Variants in POLA1 observed in about 807,000 individuals in gnomAD.
POLA1 encodes the protein DNA polymerase alpha catalytic subunit.
Under a neutral mutation model 124.0 loss-of-function variants are expected in POLA1, and 15 were observed. The observed-to-expected ratio is 0.12, with a 90% CI of 0.08 to 0.19. The LOEUF (loss-of-function observed/expected upper bound fraction) is 0.19. POLA1 is among the 10% of genes least tolerant of loss of function. The probability of loss-of-function intolerance (pLI) is 1.00; values close to 1 mark genes in which losing one functional copy is unlikely to be tolerated. For missense variants in POLA1, 886 were observed against 1,103.4 expected, an observed-to-expected ratio of 0.80 and a Z score of 2.79; for synonymous variants, 408 against 389.4, an observed-to-expected ratio of 1.05 and a Z score of -0.56.
intron 4 of POLA1, among the ~76,000 whole-genome samples, chrX:24,706,154 TG>T (rs1323921385): frequency 8.9e-6 from 1 of 112,500 alleles, no homozygotes; most frequent in Non-Finnish European, 1.9e-5. Flanking sequence ...TTCAGACTCA[TG>T]TATTTCTAAA....
intron 32 of POLA1, among the ~76,000 whole-genome samples, chrX:24,836,291 A>C (rs1356744724): frequency 8.9e-6 from 1 of 111,983 alleles, no homozygotes; most frequent in Non-Finnish European, 1.9e-5. Context: ...AGTTGTTTCC[A>C]CATTTGAGGT....
chrX:24,810,315 T>C (rs1227779595), intron 27 of POLA1, among the ~76,000 whole-genome samples: 1 of 111,835 alleles, frequency 8.9e-6, no homozygotes, highest in East Asian at 2.8e-4. Flanking sequence ...ATTTATAGAA[T>C]CCATTATGTT....
intron 35 of POLA1, among the ~76,000 whole-genome samples, chrX:24,894,637 A>G (rs1159890022): frequency 8.9e-6 from 1 of 111,888 alleles, no homozygotes; most frequent in Non-Finnish European, 1.9e-5. Flanking sequence ...CTGTTGTCAC[A>G]TGGCAGTCTT....
chrX:24,982,901 C>T (rs1011008677), intron 36 of POLA1, among the ~76,000 whole-genome samples: 3 of 111,392 alleles, frequency 2.7e-5, no homozygotes, highest in Non-Finnish European at 3.8e-5. Flanking sequence ...GTGGCACTAG[C>T]GCCATCCTTT....
intron 30 of POLA1, among the ~76,000 whole-genome samples, chrX:24,820,019 G>C (rs1279343299): frequency 8.9e-6 from 1 of 112,138 alleles, no homozygotes; most frequent in African/African-American, 3.2e-5. Flanking sequence ...GTATTCCATG[G>C]TGTATATGTG....
chrX:24,974,387 G>A (rs1047851283), intron 36 of POLA1, among the ~76,000 whole-genome samples: 24 of 111,346 alleles, frequency 2.2e-4, no homozygotes, highest in South Asian at 3.8e-4. Context: ...AGATAGCAAA[G>A]ACTTGGAATC....
At chrX:24,747,835 C>T (rs1220564178) in intron 24 of POLA1, among the ~76,000 whole-genome samples, 3 of 107,546 alleles carry the variant, frequency 2.8e-5, no homozygotes, top group East Asian at 3.0e-4. Context: ...CCCGGGTTCA[C>T]GCCATTCTCC....
intron 1 of POLA1, among the ~76,000 whole-genome samples, chrX:24,697,456 A>G (rs1313362231): frequency 1.8e-5 from 2 of 112,257 alleles, no homozygotes; most frequent in South Asian, 7.5e-4. Context: ...GTCATCATTA[A>G]GTACCTTTAT....
intron 36 of POLA1, among the ~76,000 whole-genome samples, chrX:24,971,580 T>G (rs2048303229): frequency 8.9e-6 from 1 of 112,067 alleles, no homozygotes; most frequent in Non-Finnish European, 1.9e-5. Context: ...CCCTGGCACT[T>G]CTACCTGGCT....
chrX:24,949,590 G>T (rs1601899826), intron 36 of POLA1, among the ~76,000 whole-genome samples: 1 of 101,079 alleles, frequency 9.9e-6, no homozygotes. Context: ...CATGAAACTT[G>T]GGGGTTTAAA....
chrX:24,785,742 G>A (rs2045349121), intron 26 of POLA1, among the ~76,000 whole-genome samples: 1 of 111,805 alleles, frequency 8.9e-6, no homozygotes, highest in African/African-American at 3.2e-5. Context: ...TATACATTGT[G>A]CAATGATTAC....
intron 35 of POLA1, among the ~76,000 whole-genome samples, chrX:24,888,496 T>C (rs923210270): frequency 4.5e-5 from 5 of 110,969 alleles, no homozygotes; most frequent in African/African-American, 1.6e-4. Context: ...CCCTGAATGG[T>C]TTATTTTGTG....
chrX:24,909,034 T>C (rs904050957), intron 35 of POLA1, among the ~76,000 whole-genome samples: 3 of 112,381 alleles, frequency 2.7e-5, no homozygotes, highest in African/African-American at 3.2e-5. Flanking sequence ...AAATGTCTTA[T>C]TTTGAGAATT....
intron 34 of POLA1, among the ~76,000 whole-genome samples, chrX:24,868,900 T>C (rs977336528): frequency 2.7e-5 from 3 of 111,924 alleles, no homozygotes; most frequent in Non-Finnish European, 5.6e-5. Flanking sequence ...CCCTGTATAT[T>C]GCTGGGAGAG....
chrX:24,728,918 G>A (rs1240188678), intron 15 of POLA1, among the ~76,000 whole-genome samples: 1 of 111,850 alleles, frequency 8.9e-6, no homozygotes, highest in East Asian at 2.8e-4. Context: ...TCATATTTCC[G>A]CATACTATAA....
At chrX:24,946,291 G>A (rs1398623260) in intron 36 of POLA1, among the ~76,000 whole-genome samples, 2 of 111,566 alleles carry the variant, frequency 1.8e-5, no homozygotes, top group African/African-American at 3.3e-5. Flanking sequence ...TCCTCCAAGC[G>A]GTCTGGAACA....
At chrX:24,765,356 G>T (rs1291929954) in intron 26 of POLA1, among the ~76,000 whole-genome samples, 1 of 103,887 alleles carries the variant, frequency 9.6e-6, no homozygotes, top group African/African-American at 3.6e-5. Flanking sequence ...GAAGTGCAGT[G>T]GTGCTCTTGG....
intron 4 of POLA1, among the ~76,000 whole-genome samples, chrX:24,713,180 G>A (rs1348976407): frequency 3.6e-5 from 4 of 110,692 alleles, no homozygotes; most frequent in African/African-American, 9.9e-5. Flanking sequence ...GGTCAGGCTG[G>A]TCTCGAACTC....
intron 26 of POLA1, among the ~76,000 whole-genome samples, chrX:24,790,911 GTATA>G (rs56343314): frequency 0.016 from 1,229 of 78,217 alleles, 10 homozygotes; most frequent in South Asian, 0.041. Context: ...TTATGTATAT[GTATA>G]TATATATATA....
Sources: allele counts gnomAD v4.1 joint callset (sites outside exome capture counted in the v4.1 genomes callset), GRCh38; gene constraint gnomAD v4.1.1; transcripts MANE v1.5; gene names NCBI Gene and HGNC (gene_info 2026-07-23, HGNC 2026-07-21).